The following PKIA variants were observed in gnomAD, a reference collection of about 807,000 sequenced individuals.
PKIA encodes the protein cAMP-dependent protein kinase inhibitor alpha.
In PKIA, 4 loss-of-function variants were observed where a neutral mutation model predicts 7.6. The observed-to-expected ratio is 0.52, with a 90% CI of 0.26 to 1.20. The LOEUF (loss-of-function observed/expected upper bound fraction) is 1.20, where lower values mean the gene tolerates loss of function less well. Among genes scored for constraint, PKIA ranks in the 50% most tolerant of loss-of-function variants. PKIA has a pLI of 0.13. For missense variants in PKIA, 73 were observed against 86.2 expected, an observed-to-expected ratio of 0.85 and a Z score of 0.61; for synonymous variants, 21 against 30.7, an observed-to-expected ratio of 0.68 and a Z score of 1.04.
chr8:78,559,613 T>A (rs1020362341), intron 1 of PKIA, among the ~76,000 whole-genome samples: 1 of 152,218 alleles, frequency 6.6e-6, no homozygotes, highest in Admixed American at 6.5e-5. Flanking sequence ...CTTTCAAATC[T>A]GAACTAAATG....
At chr8:78,593,482 C>T (rs1298291637) in intron 2 of PKIA, among the ~76,000 whole-genome samples, 1 of 152,120 alleles carries the variant, frequency 6.6e-6, no homozygotes, top group Middle Eastern at 3.2e-3. Flanking sequence ...GTGAAAAGAG[C>T]TTGAATATCT....
chr8:78,600,133 T>C lies in PKIA; in HGVS notation c.151+1598T>C, dbSNP rs150123468. On this transcript the variant is annotated intron_variant, in intron 3 of 3. Transcript: ENST00000396418. ...GCTCTTGCAACATTTTCTGTTTTTC[T>C]TAAAATTATAAAGTCCAAAACCAGG... is the stretch of plus-strand genomic sequence containing the variant. Among the ~76,000 whole-genome samples, 33 of 152,002 alleles carry C rather than the reference T, an allele frequency of 2.2e-4. No homozygotes were observed. In the East Asian group the frequency reaches 6.4e-3, roughly 29 times the overall value.
rs528500110 is a variant in PKIA at position 78,569,566 on chromosome 8, A to G, written c.-156-3245A>G. Among the ~76,000 whole-genome samples the G allele has an allele frequency of 3.9e-5, 6 of 152,284 alleles. No individual in the cohort carries two copies. The South Asian group carries it at 1.2e-3, about 32-fold the overall frequency. ...ATAAGTTAAAATAAGATCCAGAGTCATATACTACTCATAATGTTCACAATA... is the reference window on the plus strand; with the variant it reads ...ATAAGTTAAAATAAGATCCAGAGTCGTATACTACTCATAATGTTCACAATA... On this transcript the variant is annotated intron_variant, in intron 1 of 3. Coordinates refer to ENST00000396418, the MANE Select transcript of PKIA (RefSeq NM_006823.4).
intron 1 of PKIA, among the ~76,000 whole-genome samples, chr8:78,530,257 C>G (rs1320601369): frequency 6.6e-6 from 1 of 152,046 alleles, no homozygotes; most frequent in African/African-American, 2.4e-5. Context: ...AATTTGCTCT[C>G]TTAATCAGTA....
chr8:78,528,867 C>T (rs945096982), intron 1 of PKIA, among the ~76,000 whole-genome samples: 1 of 151,544 alleles, frequency 6.6e-6, no homozygotes, highest in Non-Finnish European at 1.5e-5. Context: ...TTAGTGTTTT[C>T]ATTTTTATTA....
chr8:78,547,589 GA>G (rs1323802382), intron 1 of PKIA, among the ~76,000 whole-genome samples: 3 of 152,226 alleles, frequency 2.0e-5, no homozygotes, highest in African/African-American at 7.2e-5. Flanking sequence ...TGAGTCATAT[GA>G]ATACTTGTTG....
At position 78,583,395 on chromosome 8, in the gene PKIA, A is replaced by G. The variant is rs1165917006; in HGVS notation, c.-28+10456A>G. On this transcript the variant is annotated intron_variant, in intron 2 of 3. Transcript: ENST00000396418. Reference sequence around the variant, plus strand: ...GTCAATTGAATGCAGCTTGTAACAGATTGCAGTAACTGCTTGTTTTCATTG... The same window carrying G: ...GTCAATTGAATGCAGCTTGTAACAGGTTGCAGTAACTGCTTGTTTTCATTG... Among the ~76,000 whole-genome samples, 9 of 152,268 alleles carry G rather than the reference A, an allele frequency of 5.9e-5. No homozygotes were observed. The East Asian group carries it at 1.5e-3, about 26-fold the overall frequency.
intron 2 of PKIA, among the ~76,000 whole-genome samples, chr8:78,587,888 C>T (rs1350665028): frequency 6.6e-6 from 1 of 152,082 alleles, no homozygotes; most frequent in Non-Finnish European, 1.5e-5. Context: ...ATACTCTCAG[C>T]CTAGTTTTAC....
intron 1 of PKIA, among the ~76,000 whole-genome samples, chr8:78,527,768 G>T (rs1806284270): frequency 6.6e-6 from 1 of 151,938 alleles, no homozygotes. Flanking sequence ...CTTTCAGCTT[G>T]AAAAATGCAC....
At chr8:78,599,469 G>A (rs1808305292) in intron 3 of PKIA, among the ~76,000 whole-genome samples, 1 of 152,010 alleles carries the variant, frequency 6.6e-6, no homozygotes, top group Admixed American at 6.6e-5. Context: ...ATAGATTAAT[G>A]AAATGGCTCA....
At chr8:78,544,546 G>A (rs886551341) in intron 1 of PKIA, among the ~76,000 whole-genome samples, 1 of 152,126 alleles carries the variant, frequency 6.6e-6, no homozygotes, top group African/African-American at 2.4e-5. Flanking sequence ...CTAGCACATG[G>A]AAAACACTTG....
In PKIA at chr8:78,603,911, T is replaced by C. The variant is rs916363795; in HGVS notation, c.*2090T>C. On this transcript the variant is annotated 3_prime_UTR_variant, in exon 4 of 4. Coordinates refer to ENST00000396418, the MANE Select transcript of PKIA (RefSeq NM_006823.4). ...ATGTGGTGCCATGCTTGTCTTTAAA[T>C]ATATAAATAGTGCTAAATTGCAAAG... The C allele has an allele frequency of 6.6e-6, 1 of 152,016 alleles. No homozygotes were observed. Among genetic ancestry groups the C allele is most frequent in the Non-Finnish European group, 1.5e-5 (1 of 67,962 alleles). 9.4% of individuals were successfully genotyped at this position (152,016 alleles called of 1,614,324 possible). A position where few individuals can be genotyped will look rare whatever the true frequency, so the allele number is the denominator to read the frequency against.
At chr8:78,550,567 T>G (rs1417904353) in intron 1 of PKIA, among the ~76,000 whole-genome samples, 7 of 152,092 alleles carry the variant, frequency 4.6e-5, no homozygotes, top group African/African-American at 1.7e-4. Context: ...GATTCAGATC[T>G]GATTGCCAAT....
intron 2 of PKIA, among the ~76,000 whole-genome samples, chr8:78,582,513 C>T (rs1037813222): frequency 3.9e-5 from 6 of 152,044 alleles, no homozygotes; most frequent in South Asian, 2.1e-4. Context: ...CCTCCCACAA[C>T]ACGTGAGGAT....
rs1808400153 is a variant in PKIA at position 78,603,409 on chromosome 8, G to T, written c.*1588G>T. 6.6e-6 allele frequency: 1 copy of T among 151,954 alleles called. No individual in the cohort carries two copies. Among genetic ancestry groups the T allele is most frequent in the African/African-American group, 2.4e-5 (1 of 41,394 alleles). 9.4% of individuals were successfully genotyped at this position (151,954 alleles called of 1,614,324 possible). On this transcript the variant is annotated 3_prime_UTR_variant, in exon 4 of 4. Transcript: ENST00000396418. ...TATGTAATTACATACAGGATAAAAG[G>T]TAAGTCTGCTCACTTCTCCTTCTAC...
At chr8:78,593,310 A>G (rs1808148228) in intron 2 of PKIA, among the ~76,000 whole-genome samples, 1 of 152,118 alleles carries the variant, frequency 6.6e-6, no homozygotes, top group Non-Finnish European at 1.5e-5. Flanking sequence ...TTTAGTAGAG[A>G]CAAGGTTTCA....
chr8:78,598,563 T>C (rs780089963), intron 3 of PKIA, 28 bp downstream of exon 3: 248 of 1,581,948 alleles, frequency 1.6e-4, no homozygotes, highest in Non-Finnish European at 2.0e-4. Flanking sequence ...CATTTCTCTA[T>C]GAGCATGGAA....
At chr8:78,563,032 C>T (rs532382030) in intron 1 of PKIA, among the ~76,000 whole-genome samples, 1 of 152,252 alleles carries the variant, frequency 6.6e-6, no homozygotes, top group South Asian at 2.1e-4. Context: ...ACTAACATCA[C>T]TTAGTAATTC....
rs143291090 is a variant in PKIA, at chr8:78,523,140, T to C, written c.-157+6672T>C. 2.2e-4 allele frequency among the ~76,000 whole-genome samples: 34 copies of C among 152,044 alleles called. No individual in the cohort carries two copies. In the East Asian group the frequency reaches 6.2e-3, roughly 28 times the overall value. On this transcript the variant is annotated intron_variant, in intron 1 of 3. Transcript: ENST00000396418. ...CTAAAAGGACAAAGATGAAGCAACA[T>C]GTCTTATAATATATGTTTGAGTATC...
Sources: gnomAD v4.1 joint callset for allele counts (sites outside exome capture counted in the v4.1 genomes callset) on GRCh38, gnomAD v4.1.1 for gene constraint, MANE v1.5 for transcripts, NCBI Gene and HGNC (gene_info 2026-07-23, HGNC 2026-07-21) for gene names.